The following ZC2HC1A variants were observed in gnomAD, a reference collection of about 807,000 sequenced individuals.
ZC2HC1A encodes zinc finger C2HC-type containing 1A, also known as zinc finger C2HC domain-containing protein 1A.
ZC2HC1A carries 28 observed loss-of-function variants against 40.7 expected under a neutral mutation model. That is an observed-to-expected ratio of 0.69 (90% CI 0.51 to 0.94). ZC2HC1A has a LOEUF of 0.94. ZC2HC1A is among the 40% of genes least tolerant of loss of function. The pLI is 0.00. For missense variants in ZC2HC1A, 389 were observed against 386.3 expected (o/e 1.01, Z -0.06); for synonymous variants, 129 against 129.2 (o/e 1.00, Z 0.01).
At chr8:78,680,981 G>C (rs1396903390) in intron 3 of ZC2HC1A, among the ~76,000 whole-genome samples, 1 of 152,182 alleles carries the variant, frequency 6.6e-6, no homozygotes, top group Non-Finnish European at 1.5e-5. Context: ...AGTAGGAACA[G>C]AGAGTTGAGG....
At chr8:78,694,090 A>G (rs1810314674) in intron 5 of ZC2HC1A, among the ~76,000 whole-genome samples, 1 of 152,056 alleles carries the variant, frequency 6.6e-6, no homozygotes, top group Non-Finnish European at 1.5e-5. Context: ...CCATTGGTCT[A>G]TATCTCTGTT....
At chr8:78,708,300 G>A (rs571628857) in intron 7 of ZC2HC1A, among the ~76,000 whole-genome samples, 7 of 152,248 alleles carry the variant, frequency 4.6e-5, no homozygotes, top group Admixed American at 1.3e-4. Flanking sequence ...GCATACCAGT[G>A]ATCTGTAATA....
In ZC2HC1A at chr8:78,708,663, G is replaced by A. The variant is rs566649612; in HGVS notation, c.705-6558G>A. Reference sequence around the variant, plus strand: ...AGAAAGTTTTTCCCTTCTTCTAAAAGATGATTATCTTTTTTTTTTCTTTTT... The same window carrying A: ...AGAAAGTTTTTCCCTTCTTCTAAAAAATGATTATCTTTTTTTTTTCTTTTT... On this transcript the variant is annotated intron_variant, in intron 7 of 8. Coordinates refer to ENST00000263849, the MANE Select transcript of ZC2HC1A (RefSeq NM_016010.3). Among the ~76,000 whole-genome samples the A allele has an allele frequency of 4.1e-5, 6 of 147,416 alleles. No homozygotes were observed. In the South Asian group the frequency reaches 1.3e-3, roughly 32 times the overall value.
chr8:78,687,803 TTCATGTAATAA>T (rs1810061712), intron 4 of ZC2HC1A, among the ~76,000 whole-genome samples: 1 of 136,510 alleles, frequency 7.3e-6, no homozygotes, highest in Non-Finnish European at 1.5e-5. Context: ...ATTATATATA[TTCATGTAATAA>T]ATATATATAT....
intron 1 of ZC2HC1A, among the ~76,000 whole-genome samples, chr8:78,669,189 C>G (rs1809377817): frequency 2.0e-5 from 3 of 151,924 alleles, no homozygotes; most frequent in Middle Eastern, 6.8e-3. Context: ...GAGTTGGATG[C>G]CAGATATTTT....
At chr8:78,687,672 G>A (rs1398623180) in intron 4 of ZC2HC1A, among the ~76,000 whole-genome samples, 3 of 108,750 alleles carry the variant, frequency 2.8e-5, no homozygotes, top group South Asian at 2.9e-4. Flanking sequence ...ATATATTTAC[G>A]TAATACATTA....
In ZC2HC1A at chr8:78,675,819, T is replaced by C. The variant is rs1374934880; in HGVS notation, c.49T>C (p.Leu17=). ...NGGVVQVGEL[L]PCKICGRTFF... ...AGGTGTTGTCCAAGTTGGAGAATTGTTACCTTGCAAGATTTGTGGAAGAAC... is the reference window on the plus strand; with the variant it reads ...AGGTGTTGTCCAAGTTGGAGAATTGCTACCTTGCAAGATTTGTGGAAGAAC... Residue 17 remains leucine, a synonymous_variant, in exon 2 of 9, where the codon TTA becomes CTA. Coordinates refer to ENST00000263849, the MANE Select transcript of ZC2HC1A (RefSeq NM_016010.3). The C allele has an allele frequency of 6.2e-7, 1 of 1,610,320 alleles. No homozygotes were observed. The highest frequency in any genetic ancestry group is 1.7e-5 in the Admixed American group (1 of 59,760).
At chr8:78,683,246 C>A (rs373644198) in intron 3 of ZC2HC1A, among the ~76,000 whole-genome samples, 3 of 152,230 alleles carry the variant, frequency 2.0e-5, no homozygotes, top group African/African-American at 7.2e-5. Flanking sequence ...TGTGTGTGGA[C>A]TCCAATCTCT....
rs1331330987 is a variant in ZC2HC1A at position 78,717,536 on chromosome 8, G to A, written c.*43G>A. ...AAAAAAAGCCAAGTTCAGAGTTTAT[G>A]ATTATTGCTGCTTGGACAGCTAGAG... On this transcript the variant is annotated 3_prime_UTR_variant, in exon 9 of 9. Coordinates refer to ENST00000263849, the MANE Select transcript of ZC2HC1A (RefSeq NM_016010.3). 1 of 1,532,186 alleles carries A rather than the reference G, an allele frequency of 6.5e-7. No individual in the cohort carries two copies. The highest frequency in any genetic ancestry group is 8.7e-7 in the Non-Finnish European group (1 of 1,147,834). The allele number at this position is 1,532,186 out of a possible 1,614,324, so 94.9% of individuals were successfully genotyped here.
At chr8:78,687,261 A>G (rs1246807552) in intron 4 of ZC2HC1A, among the ~76,000 whole-genome samples, 1 of 151,908 alleles carries the variant, frequency 6.6e-6, no homozygotes, top group Non-Finnish European at 1.5e-5. Context: ...GGGTAGCCAC[A>G]TTAATGCTAT....
chr8:78,685,195 A>G (rs1002404773), intron 3 of ZC2HC1A, among the ~76,000 whole-genome samples: 1 of 152,198 alleles, frequency 6.6e-6, no homozygotes, highest in Non-Finnish European at 1.5e-5. Context: ...TGTTATTTCA[A>G]TTCTGTTGTG....
intron 6 of ZC2HC1A, 41 bp from the exon 7 acceptor site, chr8:78,698,373 T>G: frequency 1.3e-6 from 2 of 1,514,242 alleles, no homozygotes; most frequent in Non-Finnish European, 1.8e-6. Context: ...TATGTAACCT[T>G]TTTTAGAGTA....
rs182977004 is a variant in ZC2HC1A, at chr8:78,678,558, A to G, written c.94-5A>G. On this transcript the variant is annotated splice_region_variant and splice_polypyrimidine_tract_variant and intron_variant, in intron 2 of 8. Transcript: ENST00000263849. The stretch of plus-strand genomic sequence containing the variant: ...ATGATAGGCTGCATTTCTTTATCTT[A>G]ACAGAAAAAACATGGACCCATTTGC... 39 of 1,601,534 alleles carry G rather than the reference A, an allele frequency of 2.4e-5. 1 individual carries two copies. The Admixed American group carries it at 5.2e-4, about 21-fold the overall frequency.
At chr8:78,675,097 A>G (rs1809539581) in intron 1 of ZC2HC1A, among the ~76,000 whole-genome samples, 1 of 151,554 alleles carries the variant, frequency 6.6e-6, no homozygotes, top group African/African-American at 2.4e-5. Context: ...TTTTAGTAAT[A>G]ACATTTGTTG....
At position 78,718,599 on chromosome 8, in the gene ZC2HC1A, C is replaced by T. The variant is rs1428051733; in HGVS notation, c.*1106C>T. On this transcript the variant is annotated 3_prime_UTR_variant, in exon 9 of 9. Transcript: ENST00000263849. The stretch of plus-strand genomic sequence containing the variant: ...TCTTTAGCATTTAATGTTGAAACAC[C>T]ATTCACGTCACATTAAGGACCCACT... 1 of 151,670 alleles carries T rather than the reference C, an allele frequency of 6.6e-6. No individual in the cohort carries two copies. The highest frequency in any genetic ancestry group is 2.4e-5 in the African/African-American group (1 of 41,458). The allele number at this position is 151,670 out of a possible 1,614,324, so 9.4% of individuals were successfully genotyped here.
intron 5 of ZC2HC1A, among the ~76,000 whole-genome samples, chr8:78,692,571 G>C (rs979448932): frequency 2.0e-5 from 3 of 151,932 alleles, no homozygotes; most frequent in African/African-American, 7.3e-5. Flanking sequence ...CCTTTTTTAG[G>C]AGGGGAGCAG....
intron 1 of ZC2HC1A, among the ~76,000 whole-genome samples, chr8:78,670,258 C>T (rs962303723): frequency 1.3e-5 from 2 of 152,068 alleles, no homozygotes; most frequent in Admixed American, 6.6e-5. Context: ...TGAGCCAACG[C>T]ACTCGGCGGA....
In ZC2HC1A at chr8:78,686,599, T is replaced by C; in HGVS notation, c.343T>C (p.Tyr115His). ...ACTTCCTCCTCCTCCTCCACCTTCT[T>C]ATGATCCTGGTATTTGGAATATTGT... The part of the protein sequence containing the change: ...GKLPPPPPPS[Y>H]DPDYIQCPYC... The change falls in exon 4 of 9, where the codon TAT (tyrosine) becomes CAT (histidine). Residue 115 changes from tyrosine to histidine, a missense_variant. Coordinates refer to ENST00000263849, the MANE Select transcript of ZC2HC1A (RefSeq NM_016010.3). 1 of 1,513,974 alleles carries C rather than the reference T, an allele frequency of 6.6e-7. No homozygotes were observed. The highest frequency in any genetic ancestry group is 8.8e-7 in the Non-Finnish European group (1 of 1,132,586). 93.8% of individuals were successfully genotyped at this position (1,513,974 alleles called of 1,614,324 possible). A position where few individuals can be genotyped will look rare whatever the true frequency, so the allele number is the denominator to read the frequency against.
chr8:78,688,086 T>C (rs934130782), intron 4 of ZC2HC1A, among the ~76,000 whole-genome samples: 2 of 151,068 alleles, frequency 1.3e-5, no homozygotes, highest in African/African-American at 4.8e-5. Flanking sequence ...GGCCATACTT[T>C]GCGAAACCCT....
Sources: gnomAD v4.1 joint callset for allele counts (sites outside exome capture counted in the v4.1 genomes callset) on GRCh38, gnomAD v4.1.1 for gene constraint, MANE v1.5 for transcripts, NCBI Gene and HGNC (gene_info 2026-07-23, HGNC 2026-07-21) for gene names.